CHST11: variants seen among roughly 807,000 people sequenced by gnomAD.
CHST11 encodes C4S-1.
CHST11 carries 9 observed loss-of-function variants against 30.4 expected under a neutral mutation model. That is an observed-to-expected ratio of 0.30 (90% confidence interval 0.18 to 0.52). CHST11 has a LOEUF of 0.52. CHST11 is among the 20% of genes least tolerant of loss of function. The pLI is 0.97. For synonymous variants in CHST11, 152 were observed against 187.8 expected, an observed-to-expected ratio of 0.81 and a Z score of 1.56; for missense variants, 348 against 460.6, an observed-to-expected ratio of 0.76 and a Z score of 2.24.
chr12:104,587,602 T>A (rs1483649951), intron 1 of CHST11, among the ~76,000 whole-genome samples: 1 of 152,170 alleles, frequency 6.6e-6, no homozygotes. Flanking sequence ...TTTGTCCTGT[T>A]GCCCAGGCAG....
chr12:104,553,568 C>CGAGAGAGAGAGAGAGAGAGAGAGAGA (rs3039120), intron 1 of CHST11: 30 of 140,220 alleles, frequency 2.1e-4, no homozygotes, highest in African/African-American at 7.9e-4. Context: ...ATGGTGTCAG[C>CGAGAGAGAGAGAGAGAGAGAGAGAGA]GAGAGAGAGA....
intron 2 of CHST11, among the ~76,000 whole-genome samples, chr12:104,691,232 G>A (rs2039893699): frequency 6.6e-6 from 1 of 152,148 alleles, no homozygotes; most frequent in South Asian, 2.1e-4. Flanking sequence ...GTTCTGAACT[G>A]CCTTTCAGCT....
chr12:104,689,225 C>T (rs1566038974), intron 2 of CHST11, among the ~76,000 whole-genome samples: 3 of 152,242 alleles, frequency 2.0e-5, no homozygotes, highest in African/African-American at 4.8e-5. Context: ...TAAACCTTGG[C>T]CTCAGCCAGA....
chr12:104,754,104 A>G lies in CHST11; in HGVS notation c.205-2845A>G, dbSNP rs139185890. Among the ~76,000 whole-genome samples, 23 of 152,270 alleles carry G rather than the reference A, an allele frequency of 1.5e-4. No individual in the cohort carries two copies. In the East Asian group the frequency reaches 4.4e-3, roughly 29 times the overall value. On this transcript the variant is annotated intron_variant, in intron 2 of 2. Coordinates refer to ENST00000303694, the MANE Select transcript of CHST11 (RefSeq NM_018413.6). ...GTCTGTGAATAACCAGAGGTCGGTA[A>G]TTTGCCAGTTATTTCCAAGCTGGGA...
At chr12:104,614,685 A>G (rs954770952) in intron 2 of CHST11, among the ~76,000 whole-genome samples, 19 of 128,736 alleles carry the variant, frequency 1.5e-4, no homozygotes, top group Non-Finnish European at 2.6e-4. Flanking sequence ...GTGTGTGTGC[A>G]TGCATGCTTG....
At chr12:104,626,864 G>T (rs2039220939) in intron 2 of CHST11, among the ~76,000 whole-genome samples, 1 of 151,970 alleles carries the variant, frequency 6.6e-6, no homozygotes, top group South Asian at 2.1e-4. Flanking sequence ...ACATGTCTTT[G>T]TCACCCAGGC....
chr12:104,691,875 G>A (rs116828562), intron 2 of CHST11, among the ~76,000 whole-genome samples: 3,250 of 152,198 alleles, frequency 0.021, 111 homozygotes, highest in African/African-American at 0.074. Flanking sequence ...CAGACCAGAC[G>A]AATTCCGAGT....
At chr12:104,755,003 G>A (rs1341056907) in intron 2 of CHST11, among the ~76,000 whole-genome samples, 2 of 152,112 alleles carry the variant, frequency 1.3e-5, no homozygotes, top group East Asian at 3.8e-4. Flanking sequence ...TTTGTCCTGG[G>A]GACCATGAGA....
chr12:104,508,967 C>A (rs1180188195), intron 1 of CHST11, among the ~76,000 whole-genome samples: 1 of 151,672 alleles, frequency 6.6e-6, no homozygotes, highest in African/African-American at 2.4e-5. Flanking sequence ...ATCATCACCA[C>A]CATCACCCCA....
chr12:104,513,882 C>A (rs1250463756), intron 1 of CHST11: 6 of 425,378 alleles, frequency 1.4e-5, no homozygotes, highest in African/African-American at 1.2e-4. Context: ...GCTCGGCAAC[C>A]TTGGATAAGT....
chr12:104,575,143 A>T (rs2038670712), intron 1 of CHST11, among the ~76,000 whole-genome samples: 1 of 151,938 alleles, frequency 6.6e-6, no homozygotes, highest in South Asian at 2.1e-4. Flanking sequence ...CAGTGAGCCG[A>T]GACTGTGCCA....
intron 1 of CHST11, among the ~76,000 whole-genome samples, chr12:104,565,475 C>G (rs2038555505): frequency 6.6e-6 from 1 of 151,818 alleles, no homozygotes; most frequent in Non-Finnish European, 1.5e-5. Flanking sequence ...CCATGTTGGC[C>G]AGGCTGGTCT....
intron 2 of CHST11, among the ~76,000 whole-genome samples, chr12:104,661,486 G>A (rs1045988641): frequency 3.3e-5 from 5 of 152,174 alleles, no homozygotes; most frequent in African/African-American, 1.2e-4. Flanking sequence ...GAGGTGAGAA[G>A]ATCACTTAGC....
At chr12:104,718,241 G>A (rs2040146875) in intron 2 of CHST11, among the ~76,000 whole-genome samples, 1 of 152,242 alleles carries the variant, frequency 6.6e-6, no homozygotes. Context: ...GAGGGGTTTT[G>A]TGACTTGCCT....
intron 1 of CHST11, among the ~76,000 whole-genome samples, chr12:104,464,272 TG>T (rs970259527): frequency 6.6e-6 from 1 of 152,064 alleles, no homozygotes; most frequent in African/African-American, 2.4e-5. Context: ...TTTGCCATGT[TG>T]GCCAAGCTGG....
At chr12:104,506,410 A>G (rs1565967054) in intron 1 of CHST11, among the ~76,000 whole-genome samples, 6 of 152,222 alleles carry the variant, frequency 3.9e-5, no homozygotes, top group Admixed American at 2.6e-4. Flanking sequence ...AGTTGAAGTG[A>G]GGCAGAGGTG....
At chr12:104,552,837 A>G (rs962877558) in intron 1 of CHST11, 2 of 152,230 alleles carry the variant, frequency 1.3e-5, no homozygotes, top group Non-Finnish European at 2.9e-5. Context: ...GTCTCTGTCC[A>G]GTGCTGTTTC....
chr12:104,640,047 G>A (rs866062241), intron 2 of CHST11, among the ~76,000 whole-genome samples: 4 of 152,304 alleles, frequency 2.6e-5, no homozygotes, highest in African/African-American at 9.6e-5. Context: ...ATACCTATTA[G>A]AATGTCTAAA....
chr12:104,488,489 GTGTA>G (rs2037707614), intron 1 of CHST11, among the ~76,000 whole-genome samples: 2 of 151,954 alleles, frequency 1.3e-5, no homozygotes, highest in South Asian at 4.1e-4. Flanking sequence ...GTATGAGTGT[GTGTA>G]TGTGTGTCCG....
Sources: gnomAD v4.1 joint callset for allele counts (sites outside exome capture counted in the v4.1 genomes callset) on GRCh38, gnomAD v4.1.1 for gene constraint, MANE v1.5 for transcripts, NCBI Gene and HGNC (gene_info 2026-07-23, HGNC 2026-07-21) for gene names.